NTNG1: variants seen among roughly 807,000 people sequenced by gnomAD.
NTNG1 encodes netrin-G1.
In NTNG1, 16 loss-of-function variants were observed where a neutral mutation model predicts 54.0. The ratio of observed to expected loss-of-function variants is 0.30; its 90% CI spans 0.20 to 0.45. NTNG1 has a LOEUF of 0.45. Among genes scored for constraint, NTNG1 ranks in the 20% least tolerant of loss-of-function variants. NTNG1 has a pLI of 1.00. For missense variants in NTNG1, 530 were observed against 678.7 expected (o/e 0.78, Z 2.43); for synonymous variants, 255 against 263.1 (o/e 0.97, Z 0.30).
chr1:107,274,061 A>G (rs2101700684), intron 2 of NTNG1, among the ~76,000 whole-genome samples: 1 of 152,272 alleles, frequency 6.6e-6, no homozygotes, highest in Non-Finnish European at 1.5e-5. Flanking sequence ...CCTATTAAGG[A>G]GTATATTTGC....
At chr1:107,334,156 T>C (rs981735307) in intron 3 of NTNG1, 1 of 152,028 alleles carries the variant, frequency 6.6e-6, no homozygotes, top group African/African-American at 2.4e-5. Flanking sequence ...TATATTCTTT[T>C]TTTTTCATTT....
intron 3 of NTNG1, among the ~76,000 whole-genome samples, chr1:107,350,478 T>A (rs1366158098): frequency 2.0e-5 from 3 of 152,196 alleles, no homozygotes; most frequent in African/African-American, 7.2e-5. Context: ...GATCCAGCAA[T>A]CCTACTTCTG....
chr1:107,149,330 G>C (rs574791000), intron 2 of NTNG1, among the ~76,000 whole-genome samples: 1 of 152,260 alleles, frequency 6.6e-6, no homozygotes, highest in African/African-American at 2.4e-5. Context: ...TGATTTGGGA[G>C]TCCTTGGTTA....
Position 107,480,913 on chromosome 1 carries a change from C to A in NTNG1, c.*73C>A. The A allele has an allele frequency of 8.7e-7, 1 of 1,155,918 alleles. No individual in the cohort carries two copies. Among genetic ancestry groups the A allele is most frequent in the Non-Finnish European group, 1.2e-6 (1 of 800,406 alleles). 71.6% of individuals were successfully genotyped at this position (1,155,918 alleles called of 1,614,324 possible). A position where few individuals can be genotyped will look rare whatever the true frequency, so the allele number is the denominator to read the frequency against. On this transcript the variant is annotated 3_prime_UTR_variant, in exon 8 of 8. Transcript: ENST00000370068. ...ACACAACCCAAACATTTGCTACTAACATAGGAAACACACACATACAGACAC... is the reference window on the plus strand; with the variant it reads ...ACACAACCCAAACATTTGCTACTAAAATAGGAAACACACACATACAGACAC...
intron 2 of NTNG1, among the ~76,000 whole-genome samples, chr1:107,242,343 A>T (rs530332915): frequency 5.8e-4 from 88 of 151,878 alleles, no homozygotes; most frequent in African/African-American, 2.1e-3. Context: ...CTCTCTCTTT[A>T]TCTCTCTCTC....
At chr1:107,238,628 G>T (rs1661578130) in intron 2 of NTNG1, among the ~76,000 whole-genome samples, 1 of 152,098 alleles carries the variant, frequency 6.6e-6, no homozygotes, top group Admixed American at 6.6e-5. Flanking sequence ...GTATCTGTGA[G>T]CGTGAATGAG....
intron 5 of NTNG1, among the ~76,000 whole-genome samples, chr1:107,418,130 T>A (rs1674338616): frequency 6.6e-6 from 1 of 152,014 alleles, no homozygotes; most frequent in African/African-American, 2.4e-5. Flanking sequence ...TGGCTCACAC[T>A]TAAAACATAC....
chr1:107,233,200 G>A (rs972482441), intron 2 of NTNG1, among the ~76,000 whole-genome samples: 5 of 152,134 alleles, frequency 3.3e-5, no homozygotes, highest in African/African-American at 1.2e-4. Context: ...GCAAAATCTT[G>A]GAGATAGAAG....
intron 3 of NTNG1, among the ~76,000 whole-genome samples, chr1:107,365,108 C>T (rs906562174): frequency 2.0e-5 from 3 of 152,138 alleles, no homozygotes; most frequent in South Asian, 2.1e-4. Flanking sequence ...TTTAAACTTA[C>T]ATATGGGGCC....
At chr1:107,431,010 T>C (rs1439577060) in intron 6 of NTNG1, 93 bp downstream of exon 6, 1 of 1,116,228 alleles carries the variant, frequency 9.0e-7, no homozygotes, top group Non-Finnish European at 1.3e-6. Flanking sequence ...GCACCGCGGT[T>C]GAGCCAGAAT....
rs965954609 is a variant in NTNG1, at chr1:107,484,128, G to C, written c.*3288G>C. 2.0e-5 allele frequency among the ~76,000 whole-genome samples: 3 copies of C among 152,200 alleles called. No homozygotes were observed. The highest frequency in any genetic ancestry group is 7.2e-5 in the African/African-American group (3 of 41,440). On this transcript the variant is annotated 3_prime_UTR_variant, in exon 8 of 8. Coordinates refer to ENST00000370068, the MANE Select transcript of NTNG1 (RefSeq NM_001113226.3). ...AGCAACATCCTGAGTGCATATACCTGGGCACAGGGAGTGGCAAAGGGTGCA... is the reference window on the plus strand; with the variant it reads ...AGCAACATCCTGAGTGCATATACCTCGGCACAGGGAGTGGCAAAGGGTGCA...
intron 2 of NTNG1, among the ~76,000 whole-genome samples, chr1:107,187,335 TCTAACAG>T (rs757467540): frequency 6.6e-6 from 1 of 152,156 alleles, no homozygotes; most frequent in Non-Finnish European, 1.5e-5. Context: ...AATGTGTTGA[TCTAACAG>T]CTAGCTTTGG....
At chr1:107,373,301 C>T (rs1365867505) in intron 3 of NTNG1, among the ~76,000 whole-genome samples, 1 of 151,966 alleles carries the variant, frequency 6.6e-6, no homozygotes, top group African/African-American at 2.4e-5. Context: ...TAATTTAACA[C>T]AGTCTAAATT....
chr1:107,423,901 C>T (rs1296037855), intron 5 of NTNG1, among the ~76,000 whole-genome samples: 1 of 152,082 alleles, frequency 6.6e-6, no homozygotes. Flanking sequence ...TCTCTATCTT[C>T]CTCTGTTCCC....
intron 7 of NTNG1, among the ~76,000 whole-genome samples, chr1:107,454,412 T>C (rs971786836): frequency 6.6e-6 from 1 of 152,174 alleles, no homozygotes; most frequent in Non-Finnish European, 1.5e-5. Context: ...GGAGAGACCC[T>C]GCCGTAAAGT....
chr1:107,461,770 G>A (rs769083351), intron 7 of NTNG1, among the ~76,000 whole-genome samples: 9 of 152,044 alleles, frequency 5.9e-5, no homozygotes, highest in South Asian at 2.1e-4. Context: ...TTGACCTCGT[G>A]AACTGCCCAC....
intron 7 of NTNG1, among the ~76,000 whole-genome samples, chr1:107,475,290 A>G (rs184724295): frequency 6.6e-6 from 1 of 152,252 alleles, no homozygotes; most frequent in East Asian, 1.9e-4. Context: ...GTTCTTTTCT[A>G]TGTGAAGAGC....
chr1:107,393,592 A>T (rs1345030435), intron 3 of NTNG1, among the ~76,000 whole-genome samples: 1 of 152,074 alleles, frequency 6.6e-6, no homozygotes, highest in Non-Finnish European at 1.5e-5. Context: ...TGTAGCAAGA[A>T]GTATTAAACA....
At chr1:107,259,219 C>G (rs957812721) in intron 2 of NTNG1, among the ~76,000 whole-genome samples, 7 of 151,872 alleles carry the variant, frequency 4.6e-5, no homozygotes, top group African/African-American at 1.7e-4. Flanking sequence ...TATTTTTATT[C>G]AATCAAAGCT....
Sources: gnomAD v4.1 joint callset for allele counts (sites outside exome capture counted in the v4.1 genomes callset) on GRCh38, gnomAD v4.1.1 for gene constraint, MANE v1.5 for transcripts, NCBI Gene and HGNC (gene_info 2026-07-23, HGNC 2026-07-21) for gene names.